CDH2: variants seen among roughly 807,000 people sequenced by gnomAD.
The protein encoded by CDH2 is cadherin-2.
Under a neutral mutation model 92.0 loss-of-function variants are expected in CDH2, and 17 were observed. The observed-to-expected ratio is 0.18, with a 90% confidence interval of 0.13 to 0.28. The LOEUF (loss-of-function observed/expected upper bound fraction) is 0.28, where lower values mean the gene tolerates loss of function less well. CDH2 is among the 10% of genes least tolerant of loss of function. The pLI is 1.00. For synonymous variants in CDH2, 419 were observed against 415.9 expected (o/e 1.01, Z -0.09); for missense variants, 862 against 1,133.1 (o/e 0.76, Z 3.44).
Position 27,993,611 on chromosome 18 carries a change from A to T in CDH2, c.1047T>A (p.Ile349=), listed in dbSNP as rs1567954568. The change falls in exon 8 of 16, where the codon ATT becomes ATA. Residue 349 remains isoleucine (I), a synonymous_variant. Coordinates refer to ENST00000269141, the MANE Select transcript of CDH2 (RefSeq NM_001792.5). ...REKVQQYTLI[I]QATDMEGNPT... ...GATTGCCTTCCATGTCTGTAGCTTG[A>T]ATTATTAACGTATACTGTTGCACTT... is the stretch of plus-strand genomic sequence containing the variant. 1 of 1,613,088 alleles carries T rather than the reference A, an allele frequency of 6.2e-7. No homozygotes were observed. Among genetic ancestry groups the T allele is most frequent in the African/African-American group, 1.3e-5 (1 of 75,030 alleles).
At chr18:28,068,010 G>T (rs545841418) in intron 2 of CDH2, among the ~76,000 whole-genome samples, 12 of 152,266 alleles carry the variant, frequency 7.9e-5, no homozygotes, top group African/African-American at 2.6e-4. Flanking sequence ...TCCAAATGTA[G>T]TACAGTGACA....
chr18:28,162,936 T>C (rs2016327785), intron 1 of CDH2, among the ~76,000 whole-genome samples: 2 of 152,304 alleles, frequency 1.3e-5, no homozygotes, highest in South Asian at 2.1e-4. Flanking sequence ...ACTCAGTAAA[T>C]ATTAATCCCC....
intron 3 of CDH2, 101 bp downstream of exon 3, chr18:28,013,582 G>A (rs1448105546): frequency 1.3e-6 from 1 of 787,584 alleles, no homozygotes; most frequent in East Asian, 2.4e-5. Flanking sequence ...AATGCAAATA[G>A]TGGCCATCCA....
intron 1 of CDH2, among the ~76,000 whole-genome samples, chr18:28,167,321 C>A (rs531030256): frequency 1.3e-5 from 2 of 152,192 alleles, no homozygotes; most frequent in South Asian, 4.1e-4. Flanking sequence ...AGAAAACCCA[C>A]AAAAGGTATT....
At chr18:28,109,626 G>T (rs2015378896) in intron 2 of CDH2, among the ~76,000 whole-genome samples, 1 of 152,126 alleles carries the variant, frequency 6.6e-6, no homozygotes. Flanking sequence ...ATTTATTATT[G>T]CAAATTTCAG....
chr18:28,005,067 G>T (rs1468973754), intron 6 of CDH2, among the ~76,000 whole-genome samples: 1 of 152,096 alleles, frequency 6.6e-6, no homozygotes, highest in Non-Finnish European at 1.5e-5. Flanking sequence ...TGAACACCAC[G>T]CCATCTCAGG....
intron 2 of CDH2, among the ~76,000 whole-genome samples, chr18:28,073,684 T>C (rs901471827): frequency 1.3e-5 from 2 of 152,168 alleles, no homozygotes; most frequent in Admixed American, 1.3e-4. Context: ...TAAACAGATA[T>C]GTTAAACACA....
At chr18:28,134,443 C>G (rs1436621392) in intron 2 of CDH2, among the ~76,000 whole-genome samples, 1 of 152,084 alleles carries the variant, frequency 6.6e-6, no homozygotes, top group Non-Finnish European at 1.5e-5. Flanking sequence ...GACTAGTTGT[C>G]TCACACCTGT....
At chr18:27,999,836 C>T (rs923105642) in intron 7 of CDH2, among the ~76,000 whole-genome samples, 9 of 151,780 alleles carry the variant, frequency 5.9e-5, no homozygotes, top group East Asian at 1.9e-4. Flanking sequence ...GTGTCAAGGG[C>T]GGAACCGGGT....
At chr18:27,958,904 G>C (rs1024164851) in intron 15 of CDH2, among the ~76,000 whole-genome samples, 4 of 152,150 alleles carry the variant, frequency 2.6e-5, no homozygotes, top group African/African-American at 9.7e-5. Flanking sequence ...AGAAGAATGT[G>C]TTTGCCTTCC....
chr18:27,947,763 T>G (rs1329077087), downstream of CDH2, among the ~76,000 whole-genome samples: 2 of 23,092 alleles, frequency 8.7e-5, no homozygotes, highest in African/African-American at 1.8e-4. Context: ...ATGATGTAAG[T>G]ATATGTGATA....
chr18:28,095,171 T>C (rs1361879030), intron 2 of CDH2, among the ~76,000 whole-genome samples: 1 of 152,120 alleles, frequency 6.6e-6, no homozygotes, highest in East Asian at 1.9e-4. Flanking sequence ...CATATGTATA[T>C]GCTCCATGTC....
chr18:27,934,459 T>C (rs1466341597), intron 6 of CDH2, among the ~76,000 whole-genome samples: 1 of 152,222 alleles, frequency 6.6e-6, no homozygotes, highest in African/African-American at 2.4e-5. Flanking sequence ...TCTTTGATAC[T>C]GCAGGATTTT....
At chr18:28,151,043 AT>A (rs2016113135) in intron 1 of CDH2, among the ~76,000 whole-genome samples, 1 of 152,222 alleles carries the variant, frequency 6.6e-6, no homozygotes, top group African/African-American at 2.4e-5. Flanking sequence ...GTGTTGGTAA[AT>A]CAGTATCTCA....
At chr18:27,934,526 G>T (rs1908975274) in intron 6 of CDH2, among the ~76,000 whole-genome samples, 1 of 152,032 alleles carries the variant, frequency 6.6e-6, no homozygotes, top group Admixed American at 6.6e-5. Flanking sequence ...CTAAAGATCA[G>T]CTATTTTCTA....
At chr18:27,943,186 T>C (rs753053860) in intron 6 of CDH2, among the ~76,000 whole-genome samples, 4 of 152,110 alleles carry the variant, frequency 2.6e-5, no homozygotes, top group Non-Finnish European at 5.9e-5. Context: ...AATACACACG[T>C]GGTACTATGC....
chr18:28,119,036 C>T (rs1035836909), intron 2 of CDH2, among the ~76,000 whole-genome samples: 1 of 151,834 alleles, frequency 6.6e-6, no homozygotes, highest in African/African-American at 2.4e-5. Flanking sequence ...AGTTCAAAAC[C>T]AAAAGAACAA....
chr18:28,153,945 T>A (rs2016166714), intron 1 of CDH2, among the ~76,000 whole-genome samples: 1 of 152,186 alleles, frequency 6.6e-6, no homozygotes, highest in Admixed American at 6.5e-5. Context: ...AAAATACAGA[T>A]TCTTGGGTCC....
intron 1 of CDH2, among the ~76,000 whole-genome samples, chr18:28,149,707 G>T (rs1244211129): frequency 6.6e-6 from 1 of 152,210 alleles, no homozygotes. Flanking sequence ...TACCCCAGGG[G>T]AAGGAAAACT....
Sources: allele counts gnomAD v4.1 joint callset (sites outside exome capture counted in the v4.1 genomes callset), GRCh38; gene constraint gnomAD v4.1.1; transcripts MANE v1.5; gene names NCBI Gene and HGNC (gene_info 2026-07-23, HGNC 2026-07-21).